Variants in NAALADL2 observed in about 807,000 individuals in gnomAD.
NAALADL2 encodes the protein N-acetylated alpha-linked acidic dipeptidase like 2.
A neutral mutation model predicts 87.2 loss-of-function variants in NAALADL2; 76 were observed. The observed-to-expected ratio is 0.87, with a 90% CI of 0.72 to 1.05. NAALADL2 has a LOEUF of 1.05. Among genes scored for constraint, NAALADL2 ranks in the 50% least tolerant of loss-of-function variants. NAALADL2 has a pLI of 0.00. For missense variants in NAALADL2, 1,089 were observed against 945.8 expected, an observed-to-expected ratio of 1.15 and a Z score of -1.99; for synonymous variants, 354 against 331.0, an observed-to-expected ratio of 1.07 and a Z score of -0.75.
chr3:174,987,812 T>TTATA (rs1246166898), intron 1 of NAALADL2, among the ~76,000 whole-genome samples: 2,915 of 120,086 alleles, frequency 0.024, 280 homozygotes, highest in African/African-American at 0.12. Flanking sequence ...ATATATATAA[T>TTATA]TATATATATA....
chr3:175,172,368 A>T (rs78466126), intron 2 of NAALADL2, among the ~76,000 whole-genome samples: 2,500 of 152,234 alleles, frequency 0.016, 35 homozygotes, highest in Middle Eastern at 0.041. Context: ...ACAGTCAATA[A>T]TAGTAAAAGG....
At chr3:174,457,810 CAAAA>C (rs1275519632) in intron 1 of NAALADL2, among the ~76,000 whole-genome samples, 1 of 139,282 alleles carries the variant, frequency 7.2e-6, no homozygotes, top group African/African-American at 2.8e-5. Flanking sequence ...GACTCCGTCT[CAAAA>C]AAACAAAAAA....
intron 1 of NAALADL2, among the ~76,000 whole-genome samples, chr3:174,476,432 C>T (rs796741229): frequency 3.3e-5 from 5 of 152,012 alleles, no homozygotes; most frequent in Admixed American, 6.6e-5. Context: ...TTACTCTTCT[C>T]GTTTTCAGCC....
chr3:174,978,782 T>C (rs1744710680), intron 1 of NAALADL2, among the ~76,000 whole-genome samples: 1 of 152,194 alleles, frequency 6.6e-6, no homozygotes, highest in African/African-American at 2.4e-5. Context: ...TATCAACTAA[T>C]TCAAATTACA....
Position 175,780,132 on chromosome 3 carries a change from C to T in NAALADL2, c.2190-22873C>T, listed in dbSNP as rs560838144. Among the ~76,000 whole-genome samples the T allele has an allele frequency of 2.6e-5, 4 of 151,518 alleles. 1 individual carries two copies. In the East Asian group the frequency reaches 5.9e-4, roughly 22 times the overall value. On this transcript the variant is annotated intron_variant, in intron 13 of 13. Coordinates refer to ENST00000454872, the MANE Select transcript of NAALADL2 (RefSeq NM_207015.3). Reference sequence around the variant, plus strand: ...AAATACAAAAAAAAAAAAAATTAGCCGGGCGTGGTGGTGGGCACCTGTAGT... The same window carrying T: ...AAATACAAAAAAAAAAAAAATTAGCTGGGCGTGGTGGTGGGCACCTGTAGT...
intron 7 of NAALADL2, among the ~76,000 whole-genome samples, chr3:175,463,924 A>T (rs1009062975): frequency 6.6e-6 from 1 of 152,098 alleles, no homozygotes; most frequent in African/African-American, 2.4e-5. Context: ...CTGCCTCCCA[A>T]GTTCAAGCAA....
chr3:174,663,519 G>T (rs1205163276), intron 2 of NAALADL2, among the ~76,000 whole-genome samples: 5 of 152,072 alleles, frequency 3.3e-5, no homozygotes, highest in Admixed American at 2.0e-4. Flanking sequence ...TTGTCACAGG[G>T]TGACAGAAGG....
chr3:175,108,577 C>T (rs1346427946), intron 2 of NAALADL2, among the ~76,000 whole-genome samples: 1 of 151,894 alleles, frequency 6.6e-6, no homozygotes, highest in African/African-American at 2.4e-5. Context: ...TCGGTTTCAT[C>T]ATATTAACTC....
At chr3:175,248,168 C>T (rs1019301003) in intron 3 of NAALADL2, among the ~76,000 whole-genome samples, 9 of 152,168 alleles carry the variant, frequency 5.9e-5, no homozygotes, top group African/African-American at 2.2e-4. Flanking sequence ...GTCAGGCTGT[C>T]AATCTTTGAA....
intron 1 of NAALADL2, among the ~76,000 whole-genome samples, chr3:174,999,205 TGTAAA>T (rs1747909590): frequency 6.6e-6 from 1 of 152,138 alleles, no homozygotes; most frequent in Admixed American, 6.5e-5. Flanking sequence ...TTAACATAAA[TGTAAA>T]GTATTTTTCC....
At chr3:175,496,509 T>C (rs553072519) in intron 9 of NAALADL2, among the ~76,000 whole-genome samples, 2 of 152,172 alleles carry the variant, frequency 1.3e-5, no homozygotes, top group Non-Finnish European at 2.9e-5. Context: ...ATTTGGATTC[T>C]TTCACTTCAT....
At chr3:175,441,458 A>G (rs1194952508) in intron 5 of NAALADL2, among the ~76,000 whole-genome samples, 3 of 152,156 alleles carry the variant, frequency 2.0e-5, no homozygotes, top group African/African-American at 7.2e-5. Context: ...AGGGATGACT[A>G]CGTAATGATT....
chr3:175,021,423 GT>G (rs2108864428), intron 1 of NAALADL2, among the ~76,000 whole-genome samples: 1 of 152,134 alleles, frequency 6.6e-6, no homozygotes, highest in South Asian at 2.1e-4. Context: ...GGATATGAAG[GT>G]AAAAAAGATA....
At chr3:175,059,648 G>A in intron 1 of NAALADL2, 1 of 361,584 alleles carries the variant, frequency 2.8e-6, no homozygotes, top group Non-Finnish European at 5.3e-6. Context: ...GGCTTTCTTT[G>A]ATTCATTCTG....
intron 1 of NAALADL2, among the ~76,000 whole-genome samples, chr3:175,042,544 T>TC (rs1158872176): frequency 1.3e-5 from 2 of 152,212 alleles, no homozygotes; most frequent in Middle Eastern, 3.4e-3. Flanking sequence ...CAATTTATAT[T>TC]CCCCCCAACA....
At chr3:175,768,444 T>G (rs903103541) in intron 13 of NAALADL2, among the ~76,000 whole-genome samples, 3 of 152,186 alleles carry the variant, frequency 2.0e-5, no homozygotes, top group Non-Finnish European at 4.4e-5. Flanking sequence ...TCAGAAACAT[T>G]AGTTTTTTTT....
intron 2 of NAALADL2, among the ~76,000 whole-genome samples, chr3:174,557,179 T>G (rs1712934112): frequency 6.6e-6 from 1 of 152,232 alleles, no homozygotes; most frequent in Admixed American, 6.5e-5. Context: ...TTATGCATTC[T>G]GTTTCGGCCT....
intron 11 of NAALADL2, among the ~76,000 whole-genome samples, chr3:175,722,019 C>T (rs1742307108): frequency 6.6e-6 from 1 of 152,072 alleles, no homozygotes; most frequent in African/African-American, 2.4e-5. Context: ...TACACATGCA[C>T]ACATACCCAC....
chr3:175,105,059 C>T (rs993911015), intron 2 of NAALADL2, among the ~76,000 whole-genome samples: 3 of 152,070 alleles, frequency 2.0e-5, no homozygotes, highest in Admixed American at 6.6e-5. Context: ...GACAGTGGGG[C>T]CTTTGACTGC....
Sources: gnomAD v4.1 joint callset for allele counts (sites outside exome capture counted in the v4.1 genomes callset) on GRCh38, gnomAD v4.1.1 for gene constraint, MANE v1.5 for transcripts, NCBI Gene and HGNC (gene_info 2026-07-23, HGNC 2026-07-21) for gene names.